The following TTC6 variants were observed in gnomAD, a reference collection of about 807,000 sequenced individuals.
TTC6 encodes tetratricopeptide repeat protein 6.
A neutral mutation model predicts 210.4 loss-of-function variants in TTC6; 172 were observed. The ratio of observed to expected loss-of-function variants is 0.82; its 90% CI spans 0.72 to 0.93. The LOEUF (loss-of-function observed/expected upper bound fraction) is 0.93, where lower values mean the gene tolerates loss of function less well. Ranked by LOEUF, TTC6 falls within the 40% of genes least tolerant of loss-of-function variation. The pLI is 0.00. For synonymous variants in TTC6, 804 were observed against 819.6 expected (o/e 0.98, Z 0.32); for missense variants, 2,414 against 2,318.1 (o/e 1.04, Z -0.85).
At chr14:37,793,445 C>T (rs12435184) in intron 17 of TTC6, among the ~76,000 whole-genome samples, 138,259 of 152,018 alleles carry the variant, frequency 0.91, 63,809 homozygotes, top group Non-Finnish European at 1. Flanking sequence ...CCACAGAGGA[C>T]TGCCTGGAGG....
At chr14:37,653,584 G>T (rs893163172) in intron 1 of TTC6, among the ~76,000 whole-genome samples, 1 of 136,872 alleles carries the variant, frequency 7.3e-6, no homozygotes, top group African/African-American at 3.7e-5. Context: ...GCTATGGTCG[G>T]GGAGAGATGT....
chr14:37,739,886 CG>C (rs957824720), intron 10 of TTC6, among the ~76,000 whole-genome samples: 3 of 151,496 alleles, frequency 2.0e-5, no homozygotes, highest in African/African-American at 7.3e-5. Context: ...ATTTTGGGCC[CG>C]GTGCAGTGAC....
intron 14 of TTC6, among the ~76,000 whole-genome samples, chr14:37,756,028 T>C (rs1214089692): frequency 6.6e-6 from 1 of 152,214 alleles, no homozygotes; most frequent in African/African-American, 2.4e-5. Flanking sequence ...TCTTATTTCC[T>C]TGAGCAGTGG....
At chr14:37,811,912 T>C (rs2096130432) in intron 24 of TTC6, among the ~76,000 whole-genome samples, 1 of 152,208 alleles carries the variant, frequency 6.6e-6, no homozygotes, top group Admixed American at 6.5e-5. Flanking sequence ...ATGGATAAGC[T>C]CTGGCCTCAC....
At chr14:37,629,448 A>G (rs1333758348) in intron 1 of TTC6, among the ~76,000 whole-genome samples, 3 of 151,976 alleles carry the variant, frequency 2.0e-5, no homozygotes, top group Non-Finnish European at 4.4e-5. Context: ...ATTTTTGCAT[A>G]TTGATTTTGT....
At chr14:37,780,184 A>G (rs1744385531) in intron 14 of TTC6, among the ~76,000 whole-genome samples, 1 of 152,282 alleles carries the variant, frequency 6.6e-6, no homozygotes, top group African/African-American at 2.4e-5. Context: ...AATACTAATT[A>G]AAAATAAATA....
intron 17 of TTC6, among the ~76,000 whole-genome samples, chr14:37,793,952 A>C (rs1040647227): frequency 6.6e-6 from 1 of 152,196 alleles, no homozygotes. Context: ...CATGTAAATA[A>C]AACAATTGTA....
intron 25 of TTC6, among the ~76,000 whole-genome samples, chr14:37,815,241 G>C (rs1952784): frequency 6.6e-6 from 1 of 151,976 alleles, no homozygotes; most frequent in Non-Finnish European, 1.5e-5. Context: ...AATAGAGACT[G>C]AAACAAACAA....
chr14:37,771,153 G>C (rs2096017037), intron 14 of TTC6, among the ~76,000 whole-genome samples: 1 of 151,396 alleles, frequency 6.6e-6, no homozygotes, highest in Non-Finnish European at 1.5e-5. Flanking sequence ...CTGGCTTATA[G>C]GGTTTCTGCC....
chr14:37,600,442 G>A (rs903564246), intron 1 of TTC6, among the ~76,000 whole-genome samples: 2 of 152,168 alleles, frequency 1.3e-5, no homozygotes, highest in Non-Finnish European at 2.9e-5. Context: ...GTCGACCAGT[G>A]TTTAGCTTCT....
chr14:37,719,584 A>G (rs542152189), intron 6 of TTC6, among the ~76,000 whole-genome samples: 1 of 152,314 alleles, frequency 6.6e-6, no homozygotes, highest in Non-Finnish European at 1.5e-5. Context: ...TAAAAATGCA[A>G]AAATTATTCA....
intron 1 of TTC6, among the ~76,000 whole-genome samples, chr14:37,605,274 A>T (rs2095623095): frequency 6.6e-6 from 1 of 152,232 alleles, no homozygotes; most frequent in Admixed American, 6.5e-5. Context: ...CTTTCATGAG[A>T]AATGTCCCAC....
At chr14:37,727,483 T>TG (rs2095875683) in intron 7 of TTC6, among the ~76,000 whole-genome samples, 1 of 151,550 alleles carries the variant, frequency 6.6e-6, no homozygotes, top group Non-Finnish European at 1.5e-5. Context: ...TTAGTAGAGA[T>TG]GGGGTTTCAC....
chr14:37,739,124 G>A (rs757308364), exon 10 of TTC6: 15 of 1,518,256 alleles, frequency 9.9e-6, no homozygotes, highest in Non-Finnish European at 1.3e-5. Context: ...CGTGCATGAA[G>A]AGTTATCCAA....
At chr14:37,717,169 C>CAAAAA (rs1274265858) in intron 6 of TTC6, among the ~76,000 whole-genome samples, 1 of 150,870 alleles carries the variant, frequency 6.6e-6, no homozygotes, top group Non-Finnish European at 1.5e-5. Context: ...AAGAACCCCC[C>CAAAAA]AAAAAAAGAG....
At chr14:37,819,599 C>T (rs1330331915) in intron 26 of TTC6, among the ~76,000 whole-genome samples, 2 of 152,100 alleles carry the variant, frequency 1.3e-5, no homozygotes, top group Non-Finnish European at 2.9e-5. Flanking sequence ...GAGAATGCCA[C>T]TTTCATATTT....
chr14:37,739,263 T>A, intron 10 of TTC6, 108 bp downstream of exon 12: 2 of 1,141,160 alleles, frequency 1.8e-6, no homozygotes, highest in African/African-American at 1.6e-5. Flanking sequence ...ACTGAACATA[T>A]GAACCTTTCA....
intron 29 of TTC6, 108 bp from the exon 32 acceptor site, chr14:37,841,337 C>A: frequency 1.1e-6 from 1 of 908,108 alleles, no homozygotes; most frequent in Non-Finnish European, 1.7e-6. Flanking sequence ...CTTCTGTTGA[C>A]CTCTTGGTAT....
At chr14:37,638,888 A>G (rs1276937576) in intron 1 of TTC6, among the ~76,000 whole-genome samples, 2 of 152,348 alleles carry the variant, frequency 1.3e-5, no homozygotes, top group African/African-American at 2.4e-5. Context: ...AAGAAGATAC[A>G]TATGAAAATA....
Sources: gnomAD v4.1 joint callset for allele counts (sites outside exome capture counted in the v4.1 genomes callset) on GRCh38, gnomAD v4.1.1 for gene constraint, MANE v1.5 for transcripts, NCBI Gene and HGNC (gene_info 2026-07-23, HGNC 2026-07-21) for gene names.